Variants in MSRA observed in about 807,000 individuals in gnomAD.
MSRA encodes the protein methionine sulfoxide reductase A.
MSRA carries 54 observed loss-of-function variants against 31.3 expected under a neutral mutation model. That is an observed-to-expected ratio of 1.73 (90% CI 1.39 to 2.17). The LOEUF is 2.17. Among genes scored for constraint, MSRA ranks in the 30% most tolerant of loss-of-function variants. The probability of loss-of-function intolerance (pLI) is 0.00; values close to 1 mark genes in which losing one functional copy is unlikely to be tolerated. For synonymous variants in MSRA, 169 were observed against 116.5 expected, an observed-to-expected ratio of 1.45 and a Z score of -2.90; for missense variants, 507 against 300.9, an observed-to-expected ratio of 1.69 and a Z score of -5.07.
At chr8:10,216,609 T>G (rs943155075) in intron 2 of MSRA, among the ~76,000 whole-genome samples, 42 of 152,328 alleles carry the variant, frequency 2.8e-4, no homozygotes, top group African/African-American at 9.9e-4. Flanking sequence ...TAACCTCTAT[T>G]CTACTTCCTG....
At chr8:10,393,961 C>G (rs1806928176) in intron 5 of MSRA, among the ~76,000 whole-genome samples, 1 of 152,220 alleles carries the variant, frequency 6.6e-6, no homozygotes, top group South Asian at 2.1e-4. Flanking sequence ...AGCCATCCCC[C>G]AGGCCTTGTG....
At chr8:10,117,467 G>A (rs1252960211) in intron 1 of MSRA, among the ~76,000 whole-genome samples, 1 of 152,226 alleles carries the variant, frequency 6.6e-6, no homozygotes, top group Non-Finnish European at 1.5e-5. Context: ...CCCCATGGAA[G>A]TGTGAACTTG....
chr8:10,150,676 T>C (rs1803586967), intron 1 of MSRA, among the ~76,000 whole-genome samples: 1 of 152,176 alleles, frequency 6.6e-6, no homozygotes, highest in African/African-American at 2.4e-5. Context: ...TTTTTCTGTC[T>C]GACTCGGTAA....
intron 3 of MSRA, among the ~76,000 whole-genome samples, chr8:10,289,096 A>C (rs957123968): frequency 6.6e-6 from 1 of 151,620 alleles, no homozygotes; most frequent in Non-Finnish European, 1.5e-5. Context: ...GCTCACTGCA[A>C]CCTCTGCCTC....
intron 5 of MSRA, among the ~76,000 whole-genome samples, chr8:10,360,410 C>G (rs1258556882): frequency 6.6e-6 from 1 of 152,166 alleles, no homozygotes; most frequent in Non-Finnish European, 1.5e-5. Context: ...GATACCTTGT[C>G]ACCTAGTTTT....
chr8:10,154,259 G>T (rs989963037), intron 1 of MSRA, among the ~76,000 whole-genome samples: 3 of 149,778 alleles, frequency 2.0e-5, no homozygotes, highest in African/African-American at 7.4e-5. Context: ...AATACTTACA[G>T]TTCTTACCAA....
chr8:10,329,006 A>G (rs1802537705), intron 5 of MSRA, among the ~76,000 whole-genome samples: 1 of 152,202 alleles, frequency 6.6e-6, no homozygotes, highest in African/African-American at 2.4e-5. Flanking sequence ...TCTTGACCCT[A>G]AACCCTATCC....
chr8:10,085,778 G>C (rs1388401315), intron 1 of MSRA, among the ~76,000 whole-genome samples: 1 of 152,242 alleles, frequency 6.6e-6, no homozygotes, highest in East Asian at 1.9e-4. Flanking sequence ...GCTAACAATT[G>C]ATCTGCTTTC....
chr8:10,120,074 G>A (rs769827137), intron 1 of MSRA, among the ~76,000 whole-genome samples: 5 of 152,156 alleles, frequency 3.3e-5, no homozygotes, highest in Admixed American at 2.6e-4. Flanking sequence ...GAGGGCTGGG[G>A]GAAGAAATAC....
chr8:10,417,770 G>GTGTGTGTGTGTGTGTGTGTGTGTGTC (rs1412025698), intron 5 of MSRA, among the ~76,000 whole-genome samples: 1 of 151,008 alleles, frequency 6.6e-6, no homozygotes. Context: ...GTGTGTGTGT[G>GTGTGTGTGTGTGTGTGTGTGTGTGTC]TGTGTGTGTC....
chr8:10,104,254 A>G (rs1256530455), intron 1 of MSRA, among the ~76,000 whole-genome samples: 5 of 152,210 alleles, frequency 3.3e-5, no homozygotes, highest in African/African-American at 9.6e-5. Context: ...ATGCCACGCC[A>G]TTCTCCCAAG....
intron 1 of MSRA, among the ~76,000 whole-genome samples, chr8:10,075,186 ATTTAC>A (rs1308388864): frequency 2.0e-5 from 3 of 152,134 alleles, no homozygotes; most frequent in Non-Finnish European, 2.9e-5. Context: ...ATGAGAGCTT[ATTTAC>A]TTATGTGGAT....
At chr8:10,150,075 T>C (rs544635483) in intron 1 of MSRA, among the ~76,000 whole-genome samples, 1 of 151,740 alleles carries the variant, frequency 6.6e-6, no homozygotes, top group South Asian at 2.1e-4. Flanking sequence ...AGGAACACTT[T>C]AATAAAAAGG....
chr8:10,075,533 C>G (rs1317206241), intron 1 of MSRA, among the ~76,000 whole-genome samples: 1 of 152,144 alleles, frequency 6.6e-6, no homozygotes, highest in Non-Finnish European at 1.5e-5. Flanking sequence ...AGAAGTGTTT[C>G]TACAAATATG....
chr8:10,208,417 A>C (rs563706590), intron 2 of MSRA, among the ~76,000 whole-genome samples: 33 of 152,318 alleles, frequency 2.2e-4, no homozygotes, highest in African/African-American at 7.9e-4. Context: ...ATGTACAATT[A>C]TGTGGTTGAG....
intron 2 of MSRA, among the ~76,000 whole-genome samples, chr8:10,239,754 G>A (rs543945219): frequency 2.8e-4 from 42 of 152,316 alleles, no homozygotes; most frequent in Non-Finnish European, 5.6e-4. Flanking sequence ...AAGCTACAAA[G>A]TCTCCCAATG....
At chr8:10,130,759 G>C (rs372033260) in intron 1 of MSRA, among the ~76,000 whole-genome samples, 12 of 152,058 alleles carry the variant, frequency 7.9e-5, no homozygotes, top group Non-Finnish European at 1.5e-4. Flanking sequence ...CAATTCTGGC[G>C]GTCGCTAAGA....
At chr8:10,409,282 T>C (rs1011190768) in intron 5 of MSRA, among the ~76,000 whole-genome samples, 4 of 152,216 alleles carry the variant, frequency 2.6e-5, no homozygotes, top group Non-Finnish European at 4.4e-5. Flanking sequence ...TAAGATGATA[T>C]CTCATTGTGC....
intron 1 of MSRA, among the ~76,000 whole-genome samples, chr8:10,087,335 TTA>T (rs33970968): frequency 0.24 from 35,854 of 151,988 alleles, 6,893 homozygotes; most frequent in African/African-American, 0.53. Context: ...TGGCTTGTGT[TTA>T]TAATGATTTG....
Sources: gnomAD v4.1 joint callset for allele counts (sites outside exome capture counted in the v4.1 genomes callset) on GRCh38, gnomAD v4.1.1 for gene constraint, MANE v1.5 for transcripts, NCBI Gene and HGNC (gene_info 2026-07-23, HGNC 2026-07-21) for gene names.